SPIDR: variants seen among roughly 807,000 people sequenced by gnomAD.
SPIDR encodes DNA repair-scaffolding protein.
A neutral mutation model predicts 104.6 loss-of-function variants in SPIDR; 93 were observed. The ratio of observed to expected loss-of-function variants is 0.89; its 90% confidence interval spans 0.75 to 1.06. The LOEUF (loss-of-function observed/expected upper bound fraction) is 1.06. Among genes scored for constraint, SPIDR ranks in the 50% least tolerant of loss-of-function variants. The pLI, the probability that SPIDR is intolerant of heterozygous loss-of-function variation, is 0.00. For missense variants in SPIDR, 1,154 were observed against 1,111.2 expected (o/e 1.04, Z -0.55); for synonymous variants, 431 against 416.9 (o/e 1.03, Z -0.41).
chr8:47,312,042 C>T (rs1250365537), intron 5 of SPIDR, among the ~76,000 whole-genome samples: 4 of 152,176 alleles, frequency 2.6e-5, no homozygotes, highest in Admixed American at 6.5e-5. Flanking sequence ...CTACAAAGGA[C>T]ATGAACTCTT....
intron 10 of SPIDR, among the ~76,000 whole-genome samples, chr8:47,601,547 A>C (rs2062286791): frequency 6.6e-6 from 1 of 152,136 alleles, no homozygotes; most frequent in Non-Finnish European, 1.5e-5. Context: ...TACGAAAATT[A>C]GTTGGGCATG....
chr8:47,520,347 T>A (rs1394454821), intron 8 of SPIDR, among the ~76,000 whole-genome samples: 1 of 152,190 alleles, frequency 6.6e-6, no homozygotes, highest in African/African-American at 2.4e-5. Flanking sequence ...TTTTCTTCCT[T>A]TTGAAACTGG....
chr8:47,649,524 A>G (rs779182128), intron 10 of SPIDR, among the ~76,000 whole-genome samples: 5 of 152,182 alleles, frequency 3.3e-5, no homozygotes, highest in Admixed American at 6.5e-5. Context: ...TCCTTTTGCT[A>G]TACAGGACAT....
intron 5 of SPIDR, among the ~76,000 whole-genome samples, chr8:47,365,003 G>A (rs185534244): frequency 6.6e-6 from 1 of 152,322 alleles, no homozygotes; most frequent in Non-Finnish European, 1.5e-5. Flanking sequence ...GCTTCTCTGT[G>A]CATGTACAGC....
intron 8 of SPIDR, among the ~76,000 whole-genome samples, chr8:47,550,804 T>C (rs999198879): frequency 1.2e-4 from 18 of 152,206 alleles, no homozygotes; most frequent in African/African-American, 3.9e-4. Flanking sequence ...TCCAACACTA[T>C]ATTGAATAGA....
At chr8:47,642,656 T>A (rs2069352956) in intron 10 of SPIDR, among the ~76,000 whole-genome samples, 1 of 152,168 alleles carries the variant, frequency 6.6e-6, no homozygotes, top group African/African-American at 2.4e-5. Context: ...GATTTATCCC[T>A]TTAATCCCGG....
At chr8:47,320,913 A>T (rs1377299558) in intron 5 of SPIDR, among the ~76,000 whole-genome samples, 1 of 152,018 alleles carries the variant, frequency 6.6e-6, no homozygotes, top group African/African-American at 2.4e-5. Flanking sequence ...CATGCTAAAA[A>T]CTCTCAATAA....
intron 10 of SPIDR, among the ~76,000 whole-genome samples, chr8:47,606,861 C>T (rs58572522): frequency 0.018 from 2,750 of 152,282 alleles, 82 homozygotes; most frequent in African/African-American, 0.064. Context: ...GACTCTGCCT[C>T]CTTTTCTCTG....
chr8:47,298,953 A>G (rs1203497163), intron 5 of SPIDR, among the ~76,000 whole-genome samples: 3 of 152,158 alleles, frequency 2.0e-5, no homozygotes, highest in African/African-American at 7.2e-5. Context: ...TTTTGGTTCC[A>G]TATGAACTTT....
chr8:47,441,795 T>G (rs529382291), intron 8 of SPIDR, among the ~76,000 whole-genome samples: 42 of 152,356 alleles, frequency 2.8e-4, no homozygotes, highest in Admixed American at 6.5e-4. Flanking sequence ...ATTTAAATCT[T>G]TTGACACTCC....
intron 14 of SPIDR, among the ~76,000 whole-genome samples, chr8:47,703,394 G>T (rs2080611333): frequency 6.6e-6 from 1 of 152,220 alleles, no homozygotes; most frequent in Non-Finnish European, 1.5e-5. Flanking sequence ...CATTAAATCA[G>T]TGTTATCACA....
chr8:47,414,457 G>A (rs2063951655), intron 7 of SPIDR, among the ~76,000 whole-genome samples: 2 of 152,184 alleles, frequency 1.3e-5, no homozygotes, highest in East Asian at 3.8e-4. Flanking sequence ...AGTGTAGCAT[G>A]TCAAACTAAG....
At chr8:47,472,618 T>TAA (rs1185410399) in intron 8 of SPIDR, among the ~76,000 whole-genome samples, 2 of 152,226 alleles carry the variant, frequency 1.3e-5, no homozygotes, top group African/African-American at 4.8e-5. Context: ...GAATGTGAGT[T>TAA]ATTGAGAGGA....
At chr8:47,604,458 A>G (rs2062696033) in intron 10 of SPIDR, among the ~76,000 whole-genome samples, 1 of 152,194 alleles carries the variant, frequency 6.6e-6, no homozygotes. Flanking sequence ...TTTAGCTACC[A>G]GGGGTTTAGT....
chr8:47,688,993 T>C (rs1276973010), intron 11 of SPIDR, among the ~76,000 whole-genome samples: 1 of 152,272 alleles, frequency 6.6e-6, no homozygotes, highest in African/African-American at 2.4e-5. Flanking sequence ...GTTTCCACTT[T>C]GATGAAGTGC....
chr8:47,328,012 G>GTT (rs532338445), intron 5 of SPIDR, among the ~76,000 whole-genome samples: 77 of 142,636 alleles, frequency 5.4e-4, no homozygotes, highest in African/African-American at 1.8e-3. Flanking sequence ...TTTTTTTTTG[G>GTT]TTTTTTTTTT....
chr8:47,670,958 G>C (rs2075708685), intron 10 of SPIDR, among the ~76,000 whole-genome samples: 1 of 151,932 alleles, frequency 6.6e-6, no homozygotes, highest in Non-Finnish European at 1.5e-5. Context: ...ACCCAGGCTG[G>C]AGTGCAGTGG....
At chr8:47,518,508 T>A (rs2083489576) in intron 8 of SPIDR, among the ~76,000 whole-genome samples, 1 of 152,182 alleles carries the variant, frequency 6.6e-6, no homozygotes, top group Admixed American at 6.5e-5. Context: ...TCCCATTATG[T>A]GTCTAGACGC....
In SPIDR at chr8:47,673,782, T is replaced by C. The variant is rs150170579; in HGVS notation, c.1545-19T>C. Reference sequence around the variant, plus strand: ...TCCAAACTGCCTCCTCAAAGACAAATGTGAATGGTTTTTTACAGAGCCTGC... The same window carrying C: ...TCCAAACTGCCTCCTCAAAGACAAACGTGAATGGTTTTTTACAGAGCCTGC... On this transcript the variant is annotated intron_variant, in intron 10 of 19. Coordinates refer to ENST00000297423, the MANE Select transcript of SPIDR (RefSeq NM_001080394.4). 2.2e-3 allele frequency: 3,496 copies of C among 1,613,872 alleles called. 5 individuals are homozygous for C. Among genetic ancestry groups the C allele is most frequent in the Non-Finnish European group, 2.6e-3 (3,046 of 1,179,926 alleles).
Sources: allele counts gnomAD v4.1 joint callset (sites outside exome capture counted in the v4.1 genomes callset), GRCh38; gene constraint gnomAD v4.1.1; transcripts MANE v1.5; gene names NCBI Gene and HGNC (gene_info 2026-07-23, HGNC 2026-07-21).